Variants in HHEX observed in about 807,000 individuals in gnomAD.
HHEX encodes the protein hematopoietically-expressed homeobox protein HHEX.
HHEX carries 8 observed loss-of-function variants against 27.0 expected under a neutral mutation model. The ratio of observed to expected loss-of-function variants is 0.30; its 90% CI spans 0.17 to 0.54. The LOEUF is 0.54. HHEX is among the 20% of genes least tolerant of loss of function. The pLI, the probability that HHEX is intolerant of heterozygous loss-of-function variation, is 0.95. For synonymous variants in HHEX, 164 were observed against 161.5 expected (o/e 1.02, Z -0.12); for missense variants, 326 against 357.2 (o/e 0.91, Z 0.70).
chr10:92,692,334 G>GGCAGT, intron 1 of HHEX, 34 bp from the exon 2 acceptor site: 2 of 1,609,354 alleles, frequency 1.2e-6, no homozygotes, highest in Non-Finnish European at 1.7e-6. Flanking sequence ...GCCGCTCCAG[G>GGCAGT]GCAGTGGGTG....
intron 3 of HHEX, among the ~76,000 whole-genome samples, chr10:92,693,726 G>GC (rs1845378478): frequency 6.6e-6 from 1 of 152,102 alleles, no homozygotes; most frequent in Non-Finnish European, 1.5e-5. Flanking sequence ...TATAAGGCTT[G>GC]CAACTATATA....
At position 92,692,500 on chromosome 10, in the gene HHEX, C is replaced by T. The variant is rs755049912; in HGVS notation, c.494C>T (p.Pro165Leu). 1.9e-6 allele frequency: 3 copies of T among 1,613,966 alleles called. No homozygotes were observed. Among genetic ancestry groups the T allele is most frequent in the South Asian group, 1.1e-5 (1 of 91,072 alleles). The change falls in exon 2 of 4, where the codon CCC (proline) becomes CTC (leucine). Residue 165 changes from proline to leucine, a missense_variant. Physicochemically the swap from Pro to Leu is moderately conservative, Grantham distance 98 (BLOSUM62 -3). Around this residue, in one of 4 missense-constraint regions of HHEX, gnomAD observed 40 missense variants for 54.9 expected, o/e 0.73. Transcript: ENST00000282728. ...KFETQKYLSP[P>L]ERKRLAKMLQ... ...GAGACGCAGAAATATCTCTCTCCGC[C>T]CGAGAGGAAGCGTCTGGCCAAGATG...
In HHEX at chr10:92,690,226, G is replaced by T; in HGVS notation, c.240G>T (p.Ser80=). 3.8e-6 allele frequency: 6 copies of T among 1,569,796 alleles called. No homozygotes were observed. Among genetic ancestry groups the T allele is most frequent in the Non-Finnish European group, 5.2e-6 (6 of 1,158,486 alleles). The part of the protein sequence containing the change: ...YEPTPIHPAF[S]HHSAAALAAA... ...CCACGCCGATCCATCCAGCCTTCTC[G>T]CACCACTCCGCCGCCGCGCTGGCCG... The change falls in exon 1 of 4, where the codon TCG becomes TCT. Residue 80 remains serine, a synonymous_variant. Coordinates refer to ENST00000282728, the MANE Select transcript of HHEX (RefSeq NM_002729.5).
chr10:92,690,262 A>G lies in HHEX; in HGVS notation c.276A>G (p.Gly92=). The G allele has an allele frequency of 6.4e-7, 1 of 1,558,036 alleles. No homozygotes were observed. The highest frequency in any genetic ancestry group is 8.7e-7 in the Non-Finnish European group (1 of 1,151,652). ...CCGCCGCGCTGGCCGCTGCCTACGGACCCGGCGGCTTCGGGGGCCCTCTGT... is the reference window on the plus strand; with the variant it reads ...CCGCCGCGCTGGCCGCTGCCTACGGGCCCGGCGGCTTCGGGGGCCCTCTGT... The part of the protein sequence containing the change: ...HSAAALAAAY[G]PGGFGGPLYP... Residue 92 remains glycine (G), a synonymous_variant, in exon 1 of 4, where the codon GGA becomes GGG. Transcript: ENST00000282728.
chr10:92,695,036 C>G lies in HHEX; in HGVS notation c.*268C>G, dbSNP rs1845390706. ...TTAAATTCTTCCCCCTTTAAAAAAA[C>G]AGTTAGTGGTTTTCACTATTTATAA... On this transcript the variant is annotated 3_prime_UTR_variant, in exon 4 of 4. Coordinates refer to ENST00000282728, the MANE Select transcript of HHEX (RefSeq NM_002729.5). 3.2e-6 allele frequency: 1 copy of G among 316,368 alleles called. No homozygotes were observed. The highest frequency in any genetic ancestry group is 5.8e-6 in the Non-Finnish European group (1 of 172,946). 19.6% of individuals were successfully genotyped at this position (316,368 alleles called of 1,614,324 possible).
In HHEX at chr10:92,690,068, C is replaced by A; in HGVS notation, c.82C>A (p.His28Asn). The change falls in exon 1 of 4, where the codon CAC (histidine) becomes AAC (asparagine). Residue 28 changes from histidine (H) to asparagine (N), a missense_variant. Transcript: ENST00000282728. ...YAPTPLLQPA[H>N]PTPFYIEDIL... ...GCCCACGCCGCTGCTGCAACCCGCA[C>A]ACCCGACGCCCTTTTACATCGAGGA... is the stretch of plus-strand genomic sequence containing the variant. 1 of 1,543,728 alleles carries A rather than the reference C, an allele frequency of 6.5e-7. No individual in the cohort carries two copies. The highest frequency in any genetic ancestry group is 1.2e-5 in the South Asian group (1 of 83,668).
At chr10:92,692,578 G>C (rs1317603917) in intron 2 of HHEX, 32 bp downstream of exon 2, 11 of 1,611,808 alleles carry the variant, frequency 6.8e-6, no homozygotes, top group Non-Finnish European at 9.3e-6. Context: ...GGCCGCCTCC[G>C]GGGAAGGGAA....
intron 1 of HHEX, among the ~76,000 whole-genome samples, chr10:92,690,765 G>C (rs1236200321): frequency 6.6e-6 from 1 of 152,218 alleles, no homozygotes; most frequent in Non-Finnish European, 1.5e-5. Flanking sequence ...GAAAGAGCCT[G>C]ACCCTTTCCG....
intron 2 of HHEX, 48 bp from the exon 3 acceptor site, chr10:92,692,654 C>T (rs1443794647): frequency 4.4e-6 from 7 of 1,607,858 alleles, no homozygotes; most frequent in Non-Finnish European, 6.0e-6. Context: ...CCCTCTGGCA[C>T]GTCCCGACGC....
Position 92,689,995 on chromosome 10 carries a change from C to T in HHEX, c.9C>T (p.Tyr3=). 3 of 1,460,280 alleles carry T rather than the reference C, an allele frequency of 2.1e-6. No individual in the cohort carries two copies. The highest frequency in any genetic ancestry group is 1.4e-5 in the South Asian group (1 of 71,128). The allele number at this position is 1,460,280 out of a possible 1,614,324, so 90.5% of individuals were successfully genotyped here. A position where few individuals can be genotyped will look rare whatever the true frequency, so the allele number is the denominator to read the frequency against. The part of the protein sequence containing the change: MQ[Y]PHPGPAAGAV... ...CGGAGCGCGGCGGAGCCATGCAGTA[C>T]CCGCACCCCGGGCCGGCGGCGGGCG... The change falls in exon 1 of 4, where the codon TAC becomes TAT. Residue 3 remains tyrosine (Y), a synonymous_variant. Coordinates refer to ENST00000282728, the MANE Select transcript of HHEX (RefSeq NM_002729.5).
intron 3 of HHEX, 80 bp downstream of exon 3, chr10:92,692,832 CAA>C (rs909209740): frequency 1.2e-4 from 138 of 1,179,222 alleles, no homozygotes; most frequent in Non-Finnish European, 1.6e-4. Context: ...GGGTTGTATG[CAA>C]AAGTCATTTA....
chr10:92,695,088 AT>A lies in HHEX; in HGVS notation c.*325del. 1 of 232,314 alleles carries A rather than the reference AT, an allele frequency of 4.3e-6. No homozygotes were observed. Among genetic ancestry groups the A allele is most frequent in the Non-Finnish European group, 8.5e-6 (1 of 118,040 alleles). 14.4% of individuals were successfully genotyped at this position (232,314 alleles called of 1,614,324 possible). ...AAATTAATTTTGAACTTTTTGTTAAATTTTTAAGTTATAGCTTTAAAGGTTT... is the reference window on the plus strand; with the variant it reads ...AAATTAATTTTGAACTTTTTGTTAAATTTTAAGTTATAGCTTTAAAGGTTT... On this transcript the variant is annotated 3_prime_UTR_variant, in exon 4 of 4. Transcript: ENST00000282728.
intron 1 of HHEX, 45 bp downstream of exon 1, chr10:92,690,392 C>T: frequency 2.9e-6 from 4 of 1,393,924 alleles, no homozygotes; most frequent in Non-Finnish European, 3.7e-6. Flanking sequence ...CGCCACCCGG[C>T]AGGTGGCAGC....
rs1478959127 is a variant in HHEX at position 92,690,151 on chromosome 10, C to T, written c.165C>T (p.Asn55=). The change falls in exon 1 of 4, where the codon AAC becomes AAT. Residue 55 remains asparagine, a synonymous_variant. Transcript: ENST00000282728. The part of the protein sequence containing the change: ...PTPAPTLPSP[N]SSFTSLVSPY... Reference sequence around the variant, plus strand: ...CCGCCCCCACGCTGCCGTCCCCCAACTCCTCCTTCACCAGCCTCGTGTCCC... The same window carrying T: ...CCGCCCCCACGCTGCCGTCCCCCAATTCCTCCTTCACCAGCCTCGTGTCCC... 3.9e-6 allele frequency: 6 copies of T among 1,553,886 alleles called. No individual in the cohort carries two copies. The Admixed American group carries it at 1.2e-4, about 30-fold the overall frequency.
At chr10:92,692,146 T>G (rs1845361396) in intron 1 of HHEX, 1 of 503,050 alleles carries the variant, frequency 2.0e-6, no homozygotes, top group Non-Finnish European at 3.6e-6. Context: ...TGTCTGTCTG[T>G]GTGTGTACAA....
rs138744798 is a variant in HHEX, at chr10:92,694,525, C to T, written c.592-22C>T. The T allele has an allele frequency of 1.1e-3, 1,722 of 1,561,102 alleles. 17 individuals are homozygous for T. The African/African-American group carries it at 0.02, about 19-fold the overall frequency. On this transcript the variant is annotated intron_variant, in intron 3 of 3. Coordinates refer to ENST00000282728, the MANE Select transcript of HHEX (RefSeq NM_002729.5). The stretch of plus-strand genomic sequence containing the variant: ...CATATTTTATGATCCTTCCAATCTC[C>T]ATTTTCATTTCCTTTATTCAGGAGA...
chr10:92,693,713 G>T (rs1252044454), intron 3 of HHEX, among the ~76,000 whole-genome samples: 3 of 106,774 alleles, frequency 2.8e-5, no homozygotes, highest in Non-Finnish European at 2.0e-5. Context: ...TATTTGTTGA[G>T]ACTATAAGGC....
chr10:92,691,424 T>A (rs1845353691), intron 1 of HHEX: 1 of 152,210 alleles, frequency 6.6e-6, no homozygotes, highest in Non-Finnish European at 1.5e-5. Flanking sequence ...AACGTCTTAA[T>A]TAGCATTTTA....
Position 92,694,606 on chromosome 10 carries a change from G to C in HHEX, c.651G>C (p.Gln217His). The C allele has an allele frequency of 6.2e-7, 1 of 1,614,144 alleles. No homozygotes were observed. Residue 217 changes from glutamine to histidine, a missense_variant, in exon 4 of 4, where the codon CAG becomes CAC. Physicochemically the swap from Gln to His is conservative, Grantham distance 24. Transcript: ENST00000282728. ...ELESLDSSCD[Q>H]RQDLPSEQNK... is the part of the protein sequence containing the mutation. ...AAAGTTTGGACAGTTCCTGTGATCA[G>C]AGGCAAGATTTGCCCAGTGAACAGA...
Sources: allele counts gnomAD v4.1 joint callset (sites outside exome capture counted in the v4.1 genomes callset), GRCh38; gene constraint gnomAD v4.1.1; regional missense constraint gnomAD v4.1.1; transcripts MANE v1.5; gene names NCBI Gene and HGNC (gene_info 2026-07-23, HGNC 2026-07-21).